Variants in CACNB4 observed in about 807,000 individuals in gnomAD.
The protein encoded by CACNB4 is voltage-dependent L-type calcium channel subunit beta-4.
CACNB4 carries 32 observed loss-of-function variants against 71.2 expected under a neutral mutation model. The ratio of observed to expected loss-of-function variants is 0.45; its 90% CI spans 0.34 to 0.60. CACNB4 has a LOEUF of 0.60. Ranked by LOEUF, CACNB4 falls within the 20% of genes least tolerant of loss-of-function variation. CACNB4 has a pLI of 0.01. For synonymous variants in CACNB4, 231 were observed against 236.9 expected (o/e 0.97, Z 0.23); for missense variants, 464 against 647.9 (o/e 0.72, Z 3.08).
At chr2:151,963,835 A>C (rs2099870275) in intron 2 of CACNB4, among the ~76,000 whole-genome samples, 1 of 152,134 alleles carries the variant, frequency 6.6e-6, no homozygotes, top group African/African-American at 2.4e-5. Flanking sequence ...TGGGAGGCCG[A>C]GGCAGGTGGA....
chr2:151,952,220 C>A (rs371966012), intron 2 of CACNB4, among the ~76,000 whole-genome samples: 1 of 152,242 alleles, frequency 6.6e-6, no homozygotes, highest in African/African-American at 2.4e-5. Flanking sequence ...GAATCAGCCA[C>A]GTCCTACCTA....
chr2:151,887,284 T>C (rs1203670175), intron 2 of CACNB4, among the ~76,000 whole-genome samples: 1 of 152,078 alleles, frequency 6.6e-6, no homozygotes, highest in East Asian at 1.9e-4. Context: ...TTAACCCACG[T>C]GTAAGAAACA....
At chr2:151,996,889 T>A (rs6707291) in intron 2 of CACNB4, among the ~76,000 whole-genome samples, 76,068 of 152,098 alleles carry the variant, frequency 0.5, 21,140 homozygotes, top group Non-Finnish European at 0.63. Flanking sequence ...CAAGAGAAGC[T>A]CCTGCTTTCA....
intron 5 of CACNB4, chr2:151,872,866 C>A (rs1332378981): frequency 6.1e-6 from 1 of 163,086 alleles, no homozygotes; most frequent in Non-Finnish European, 1.3e-5. Context: ...GAAACCATTT[C>A]TTCTTACAAG....
At position 151,833,426 on chromosome 2, in the gene CACNB4, A is replaced by G. The variant is rs2099834225; in HGVS notation, c.*5693T>C. 6.6e-6 allele frequency: 1 copy of G among 152,096 alleles called. No individual in the cohort carries two copies. Among genetic ancestry groups the G allele is most frequent in the Admixed American group, 6.5e-5 (1 of 15,270 alleles). The allele number at this position is 152,096 out of a possible 1,614,324, so 9.4% of individuals were successfully genotyped here. A position where few individuals can be genotyped will look rare whatever the true frequency, so the allele number is the denominator to read the frequency against. The stretch of plus-strand genomic sequence containing the variant: ...GACTCGAGGCTGTGAAAAATACAAA[A>G]ATCTCACACATGTCCAAAATTCAGA... On this transcript the variant is annotated 3_prime_UTR_variant, in exon 14 of 14. Coordinates refer to ENST00000539935, the MANE Select transcript of CACNB4 (RefSeq NM_000726.5).
At chr2:152,012,410 C>A (rs915685604) in intron 2 of CACNB4, among the ~76,000 whole-genome samples, 2 of 152,036 alleles carry the variant, frequency 1.3e-5, no homozygotes, top group African/African-American at 2.4e-5. Context: ...TCCAGACCAG[C>A]CTGACCAACA....
At chr2:151,867,084 T>A (rs1025088313) in intron 9 of CACNB4, 2 of 152,244 alleles carry the variant, frequency 1.3e-5, no homozygotes, top group African/African-American at 4.8e-5. Context: ...CGTATAAGTA[T>A]GTTATAGACC....
rs1037251728 is a variant in CACNB4, at chr2:151,915,382, G to A, written c.148-32012C>T. ...TAGAAATGGGTGCCGCCCTTCCCCC[G>A]CCCAGGGAGCTCAGCGTGTTAGGCA... On this transcript the variant is annotated intron_variant, in intron 2 of 13. Coordinates refer to ENST00000539935, the MANE Select transcript of CACNB4 (RefSeq NM_000726.5). 7.2e-5 allele frequency among the ~76,000 whole-genome samples: 11 copies of A among 152,180 alleles called. No individual in the cohort carries two copies. The South Asian group carries it at 1.4e-3, about 20-fold the overall frequency.
At chr2:152,052,707 C>T (rs551687512) in intron 2 of CACNB4, among the ~76,000 whole-genome samples, 11 of 152,210 alleles carry the variant, frequency 7.2e-5, no homozygotes, top group African/African-American at 2.2e-4. Context: ...GGGCCAGGAG[C>T]GGTGGCTCAC....
intron 2 of CACNB4, among the ~76,000 whole-genome samples, chr2:152,086,853 G>A (rs774104869): frequency 2.6e-5 from 4 of 152,164 alleles, no homozygotes; most frequent in Admixed American, 2.0e-4. Context: ...TTTTGTGGCC[G>A]GGCGCGGTGG....
At chr2:151,999,428 T>C (rs1361382319) in intron 2 of CACNB4, among the ~76,000 whole-genome samples, 2 of 151,986 alleles carry the variant, frequency 1.3e-5, no homozygotes, top group Non-Finnish European at 2.9e-5. Flanking sequence ...AGTGAGATTC[T>C]GGGATGAAAA....
chr2:151,876,811 TTATAC>T (rs1461620266), intron 4 of CACNB4, among the ~76,000 whole-genome samples: 1 of 145,488 alleles, frequency 6.9e-6, no homozygotes, highest in Non-Finnish European at 1.5e-5. Context: ...ATAAACTATA[TTATAC>T]TATACATTTT....
intron 2 of CACNB4, among the ~76,000 whole-genome samples, chr2:151,943,897 A>C (rs557255107): frequency 6.6e-6 from 1 of 152,362 alleles, no homozygotes; most frequent in South Asian, 2.1e-4. Flanking sequence ...TTCAAGAAAG[A>C]ACTTTCTGAC....
At chr2:151,845,151 C>G (rs2099837229) in intron 12 of CACNB4, among the ~76,000 whole-genome samples, 1 of 152,090 alleles carries the variant, frequency 6.6e-6, no homozygotes, top group Non-Finnish European at 1.5e-5. Flanking sequence ...CATTTAATTG[C>G]CATAAGTTTA....
intron 10 of CACNB4, among the ~76,000 whole-genome samples, chr2:151,855,942 AGATTT>A (rs2151360333): frequency 6.6e-6 from 1 of 152,214 alleles, no homozygotes; most frequent in African/African-American, 2.4e-5. Flanking sequence ...AAGTCTAGTT[AGATTT>A]AAGTACGAAA....
At position 152,026,912 on chromosome 2, in the gene CACNB4, CT is replaced by C. The variant is rs60945553; in HGVS notation, c.147+71417del. Among the ~76,000 whole-genome samples, 17 of 146,922 alleles carry C rather than the reference CT, an allele frequency of 1.2e-4. No individual in the cohort carries two copies. In the East Asian group the frequency reaches 1.4e-3, roughly 12 times the overall value. Reference sequence around the variant, plus strand: ...GACAGCATTTGACACAATTATCTTTCTTTTTTTTTTTTGATACGGAGTTTCA... The same window carrying C: ...GACAGCATTTGACACAATTATCTTTCTTTTTTTTTTTGATACGGAGTTTCA... On this transcript the variant is annotated intron_variant, in intron 2 of 13. Coordinates refer to ENST00000539935, the MANE Select transcript of CACNB4 (RefSeq NM_000726.5).
chr2:152,026,794 C>T (rs781692876), intron 2 of CACNB4, among the ~76,000 whole-genome samples: 2 of 152,234 alleles, frequency 1.3e-5, no homozygotes, highest in East Asian at 1.9e-4. Flanking sequence ...CTGCTCACTA[C>T]TCCAGACCAA....
intron 2 of CACNB4, among the ~76,000 whole-genome samples, chr2:152,087,627 G>T (rs1165269290): frequency 6.6e-6 from 1 of 152,006 alleles, no homozygotes. Context: ...TAGACCAGGG[G>T]CTATAACTGA....
At chr2:151,957,257 C>CGTGTATATGTGTGTGT (rs3068823) in intron 2 of CACNB4, among the ~76,000 whole-genome samples, 7 of 131,870 alleles carry the variant, frequency 5.3e-5, no homozygotes, top group Non-Finnish European at 9.7e-5. Flanking sequence ...AGTGGCTGGG[C>CGTGTATATGTGTGTGT]GTGTGTGTGT....
Sources: gnomAD v4.1 joint callset for allele counts (sites outside exome capture counted in the v4.1 genomes callset) on GRCh38, gnomAD v4.1.1 for gene constraint, MANE v1.5 for transcripts, NCBI Gene and HGNC (gene_info 2026-07-23, HGNC 2026-07-21) for gene names.